NWD1: variants seen among roughly 807,000 people sequenced by gnomAD.
NWD1 encodes the protein NACHT domain- and WD repeat-containing protein 1.
A neutral mutation model predicts 135.1 loss-of-function variants in NWD1; 129 were observed. The ratio of observed to expected loss-of-function variants is 0.96; its 90% CI spans 0.83 to 1.11. NWD1 has a LOEUF of 1.11. Among genes scored for constraint, NWD1 ranks in the 50% least tolerant of loss-of-function variants. The pLI is 0.00. For synonymous variants in NWD1, 773 were observed against 786.0 expected, an observed-to-expected ratio of 0.98 and a Z score of 0.28; for missense variants, 1,740 against 1,851.3, an observed-to-expected ratio of 0.94 and a Z score of 1.10.
chr19:16,742,756 C>T (rs1318939114), intron 4 of NWD1, among the ~76,000 whole-genome samples: 6 of 151,892 alleles, frequency 4.0e-5, no homozygotes, highest in South Asian at 2.1e-4. Context: ...CCACAACCTC[C>T]GCCTCCAGGG....
rs151137165 is a variant in NWD1, at chr19:16,762,132, C to G, written c.2127C>G (p.Asp709Glu). 3.7e-6 allele frequency: 6 copies of G among 1,612,540 alleles called. No individual in the cohort carries two copies. The highest frequency in any genetic ancestry group is 2.7e-5 in the African/African-American group (2 of 74,868). The change falls in exon 8 of 19, where the codon GAC becomes GAG. Residue 709 changes from aspartate (D) to glutamate (E), a missense_variant. Transcript: ENST00000524140. ...TTGTGGGGAAACCACTGAACTTGGA[C>G]CGAAAGGTGAGGTACCTGGGACCCC... The part of the protein sequence containing the change: ...LPLVGKPLNL[D>E]RKVAPQPLWF...
intron 3 of NWD1, among the ~76,000 whole-genome samples, chr19:16,735,794 G>T (rs1967772139): frequency 2.8e-5 from 1 of 36,182 alleles, no homozygotes; most frequent in African/African-American, 1.4e-4. Flanking sequence ...CATGCCACTG[G>T]AAGGAAGGAA....
chr19:16,764,929 G>A lies in NWD1; in HGVS notation c.2252-105G>A, dbSNP rs116136661. ...ATCCTGCCCCAGTGTCACTACTGCTGAGCCTGAGATGCCCTGGAGGAAATG... is the reference window on the plus strand; with the variant it reads ...ATCCTGCCCCAGTGTCACTACTGCTAAGCCTGAGATGCCCTGGAGGAAATG... On this transcript the variant is annotated intron_variant, in intron 9 of 18. Coordinates refer to ENST00000524140, the MANE Select transcript of NWD1 (RefSeq NM_001007525.5). 277 of 1,243,944 alleles carry A rather than the reference G, an allele frequency of 2.2e-4. No individual in the cohort carries two copies. The African/African-American group carries it at 3.8e-3, about 17-fold the overall frequency. The allele number at this position is 1,243,944 out of a possible 1,614,324, so 77.1% of individuals were successfully genotyped here.
At chr19:16,795,764 A>T (rs903719889) in intron 15 of NWD1, among the ~76,000 whole-genome samples, 1 of 152,060 alleles carries the variant, frequency 6.6e-6, no homozygotes. Flanking sequence ...GGATGGTGGC[A>T]TGTTAGCAGT....
At chr19:16,808,266 T>C in intron 18 of NWD1, 130 bp downstream of exon 18, 1 of 837,002 alleles carries the variant, frequency 1.2e-6, no homozygotes, top group Non-Finnish European at 1.9e-6. Flanking sequence ...AATGAGGCAC[T>C]TGGTCAGGCG....
intron 6 of NWD1, among the ~76,000 whole-genome samples, chr19:16,757,645 G>A (rs1375266600): frequency 5.3e-5 from 8 of 152,126 alleles, no homozygotes; most frequent in African/African-American, 1.2e-4. Context: ...TGAGGTGCCC[G>A]CTCTGAGGTT....
At chr19:16,748,143 T>G (rs1207544296) in intron 5 of NWD1, among the ~76,000 whole-genome samples, 1 of 151,958 alleles carries the variant, frequency 6.6e-6, no homozygotes, top group East Asian at 1.9e-4. Flanking sequence ...GGCATCACGC[T>G]GGGCTAATTT....
intron 15 of NWD1, among the ~76,000 whole-genome samples, chr19:16,795,318 G>A (rs145266010): frequency 1.4e-3 from 211 of 152,298 alleles, no homozygotes; most frequent in African/African-American, 4.8e-3. Context: ...CTCCATGCAG[G>A]GCCCATGGGC....
In NWD1 at chr19:16,816,713, C is replaced by A. The variant is rs747161487; in HGVS notation, c.*1674C>A. On this transcript the variant is annotated 3_prime_UTR_variant, in exon 19 of 19. Transcript: ENST00000524140. ...AATCTTCAAGGTGGCTATCCCTTCT[C>A]CCCTCCGTGGAATTCCTGATAGAGT... 3.3e-5 allele frequency: 5 copies of A among 152,188 alleles called. No individual in the cohort carries two copies. The highest frequency in any genetic ancestry group is 7.3e-5 in the Non-Finnish European group (5 of 68,030). The allele number at this position is 152,188 out of a possible 1,614,324, so 9.4% of individuals were successfully genotyped here. A position where few individuals can be genotyped will look rare whatever the true frequency, so the allele number is the denominator to read the frequency against.
chr19:16,744,453 G>C lies in NWD1; in HGVS notation c.231G>C (p.Leu77=), dbSNP rs1968216165. The change falls in exon 5 of 19, where the codon CTG becomes CTC. Residue 77 remains leucine (L), a synonymous_variant. Coordinates refer to ENST00000524140, the MANE Select transcript of NWD1 (RefSeq NM_001007525.5). The part of the protein sequence containing the change: ...ALIGDQYGPC[L]IPSRIDEKEW... ...TCGGTGATCAGTACGGCCCCTGTCTGATTCCCTCGCGGATCGATGAGAAGG... is the reference window on the plus strand; with the variant it reads ...TCGGTGATCAGTACGGCCCCTGTCTCATTCCCTCGCGGATCGATGAGAAGG... The C allele has an allele frequency of 2.6e-6, 4 of 1,535,732 alleles. 1 individual carries two copies. Among genetic ancestry groups the C allele is most frequent in the Non-Finnish European group, 2.6e-6 (3 of 1,146,634 alleles).
intron 1 of NWD1, among the ~76,000 whole-genome samples, chr19:16,723,700 TTTGTTTTG>T (rs1015796792): frequency 2.6e-4 from 39 of 152,062 alleles, no homozygotes; most frequent in African/African-American, 9.4e-4. Flanking sequence ...TTTGTTTTGT[TTTGTTTTG>T]TTTTGTTTTG....
chr19:16,799,408 A>T (rs1970524860), intron 16 of NWD1, among the ~76,000 whole-genome samples: 1 of 151,344 alleles, frequency 6.6e-6, no homozygotes, highest in African/African-American at 2.4e-5. Flanking sequence ...GTTGGCCAGG[A>T]TGGTCTTGAT....
chr19:16,742,836 A>G (rs1477964722), intron 4 of NWD1, among the ~76,000 whole-genome samples: 1 of 149,874 alleles, frequency 6.7e-6, no homozygotes, highest in East Asian at 1.9e-4. Context: ...ATGCCTGGCT[A>G]TTTTTAAAAA....
chr19:16,798,268 C>CT (rs139167785), intron 16 of NWD1, among the ~76,000 whole-genome samples: 5 of 152,058 alleles, frequency 3.3e-5, no homozygotes, highest in African/African-American at 1.2e-4. Flanking sequence ...TTGAAGTTCT[C>CT]TTTTTTTCCC....
intron 4 of NWD1, among the ~76,000 whole-genome samples, chr19:16,743,097 G>A (rs1599448116): frequency 6.6e-6 from 1 of 151,582 alleles, no homozygotes; most frequent in East Asian, 1.9e-4. Context: ...ATTTTTAGTA[G>A]GGGTTTCACC....
intron 11 of NWD1, among the ~76,000 whole-genome samples, chr19:16,777,434 A>G (rs1969679960): frequency 2.0e-4 from 1 of 4,910 alleles, no homozygotes; most frequent in Non-Finnish European, 3.9e-4. Context: ...AGGGGAAGGA[A>G]GGGAAGGAAA....
At chr19:16,756,561 A>G (rs1400848414) in intron 6 of NWD1, among the ~76,000 whole-genome samples, 1 of 152,118 alleles carries the variant, frequency 6.6e-6, no homozygotes, top group East Asian at 1.9e-4. Context: ...CTATCTCTGT[A>G]TCTATTGCTC....
rs184702269 is a variant in NWD1 at position 16,741,452 on chromosome 19, C to T, written c.199-2969C>T. ...ACCATGTCGGTTCACTGAAACCTCC[C>T]TCTCCTGGGTTCAAGCAATTCTCCT... On this transcript the variant is annotated intron_variant, in intron 4 of 18. Transcript: ENST00000524140. Among the ~76,000 whole-genome samples, 23 of 150,622 alleles carry T rather than the reference C, an allele frequency of 1.5e-4. No individual in the cohort carries two copies. In the East Asian group the frequency reaches 4.5e-3, roughly 30 times the overall value.
intron 10 of NWD1, among the ~76,000 whole-genome samples, chr19:16,769,856 G>A (rs893970908): frequency 1.3e-5 from 2 of 151,842 alleles, no homozygotes; most frequent in African/African-American, 4.8e-5. Flanking sequence ...TCTTTTTTTA[G>A]AGACAAAGTC....
Sources: allele counts gnomAD v4.1 joint callset (sites outside exome capture counted in the v4.1 genomes callset), GRCh38; gene constraint gnomAD v4.1.1; transcripts MANE v1.5; gene names NCBI Gene and HGNC (gene_info 2026-07-23, HGNC 2026-07-21).